TAFA5: variants seen among roughly 807,000 people sequenced by gnomAD.
TAFA5 encodes chemokine-like protein TAFA-5.
TAFA5 carries 6 observed loss-of-function variants against 15.3 expected under a neutral mutation model. The observed-to-expected ratio is 0.39, with a 90% CI of 0.21 to 0.77. The LOEUF is 0.77. Ranked by LOEUF, TAFA5 falls within the 30% of genes least tolerant of loss-of-function variation. The pLI is 0.41. For missense variants in TAFA5, 161 were observed against 193.1 expected (o/e 0.83, Z 0.98); for synonymous variants, 103 against 80.7 (o/e 1.28, Z -1.48).
At chr22:48,744,108 C>T (rs1393892717) in intron 3 of TAFA5, among the ~76,000 whole-genome samples, 1 of 152,226 alleles carries the variant, frequency 6.6e-6, no homozygotes, top group Non-Finnish European at 1.5e-5. Context: ...TGCAGCCCCA[C>T]GGCACGGGGG....
chr22:48,749,503 CAGATGGTTCT>C (rs898173956), intron 3 of TAFA5, among the ~76,000 whole-genome samples: 10 of 152,268 alleles, frequency 6.6e-5, no homozygotes, highest in African/African-American at 2.2e-4. Flanking sequence ...TAGGGAGCCA[CAGATGGTTCT>C]TGAGCTGTGG....
chr22:48,507,039 G>A (rs1199009381), intron 1 of TAFA5, among the ~76,000 whole-genome samples: 1 of 151,354 alleles, frequency 6.6e-6, no homozygotes, highest in Non-Finnish European at 1.5e-5. Context: ...GGGGACAGCC[G>A]CCAAGAGCCA....
chr22:48,653,617 C>G (rs1247267814), intron 2 of TAFA5, among the ~76,000 whole-genome samples: 1 of 152,276 alleles, frequency 6.6e-6, no homozygotes, highest in Middle Eastern at 3.4e-3. Flanking sequence ...CAGTCCTTCT[C>G]CAGCAAGTTA....
chr22:48,556,586 C>T (rs979303163), intron 1 of TAFA5, among the ~76,000 whole-genome samples: 1 of 152,220 alleles, frequency 6.6e-6, no homozygotes, highest in Non-Finnish European at 1.5e-5. Flanking sequence ...CCCGAAGAGG[C>T]GCTGGGGCAG....
intron 2 of TAFA5, among the ~76,000 whole-genome samples, chr22:48,704,970 G>GGA (rs896717152): frequency 1.1e-4 from 16 of 151,680 alleles, no homozygotes; most frequent in Non-Finnish European, 1.8e-4. Context: ...GCTGGGGAGG[G>GGA]GAGAGAGAGA....
chr22:48,708,364 T>C (rs1373440635), intron 3 of TAFA5, among the ~76,000 whole-genome samples: 1 of 152,210 alleles, frequency 6.6e-6, no homozygotes, highest in African/African-American at 2.4e-5. Context: ...AGCTCCTCTC[T>C]GTCCCCCTGA....
At chr22:48,559,214 C>T (rs572872208) in intron 1 of TAFA5, among the ~76,000 whole-genome samples, 21 of 152,152 alleles carry the variant, frequency 1.4e-4, no homozygotes, top group Non-Finnish European at 2.4e-4. Flanking sequence ...CTGACACCAG[C>T]GGTGGACGCT....
At chr22:48,658,791 A>G (rs559188483) in intron 2 of TAFA5, among the ~76,000 whole-genome samples, 1 of 152,308 alleles carries the variant, frequency 6.6e-6, no homozygotes, top group South Asian at 2.1e-4. Flanking sequence ...GTAGAGAGAG[A>G]AAGGACCAGG....
intron 1 of TAFA5, among the ~76,000 whole-genome samples, chr22:48,557,354 C>T (rs1015701605): frequency 6.6e-6 from 1 of 152,172 alleles, no homozygotes; most frequent in Non-Finnish European, 1.5e-5. Flanking sequence ...ACGGCGTCCA[C>T]AGGCTGAGGA....
chr22:48,701,717 C>T (rs1465272400), intron 2 of TAFA5, among the ~76,000 whole-genome samples: 1 of 152,212 alleles, frequency 6.6e-6, no homozygotes, highest in African/African-American at 2.4e-5. Context: ...TCAGCCCTTT[C>T]TTCCCCATGC....
chr22:48,701,119 G>A lies in TAFA5; in HGVS notation c.263-6598G>A, dbSNP rs541503567. ...GTGTATTTGTCCCACTTCAGTGGGT[G>A]CCCGAGGCGGCACACAGCTCGAGTG... On this transcript the variant is annotated intron_variant, in intron 2 of 3. Transcript: ENST00000402357. Among the ~76,000 whole-genome samples, 119 of 152,316 alleles carry A rather than the reference G, an allele frequency of 7.8e-4. 1 individual carries two copies. The highest frequency in any genetic ancestry group is 1.2e-3 in the Non-Finnish European group (82 of 68,028).
intron 1 of TAFA5, among the ~76,000 whole-genome samples, chr22:48,630,409 A>T (rs910732562): frequency 3.3e-5 from 5 of 152,176 alleles, no homozygotes; most frequent in Non-Finnish European, 7.4e-5. Flanking sequence ...GGCTTGCTCC[A>T]CTGCTGCCTC....
At chr22:48,539,934 A>C (rs1208825396) in intron 1 of TAFA5, among the ~76,000 whole-genome samples, 1 of 152,080 alleles carries the variant, frequency 6.6e-6, no homozygotes, top group Non-Finnish European at 1.5e-5. Flanking sequence ...GGGCCTTGCC[A>C]GGGAGAGGAG....
intron 1 of TAFA5, among the ~76,000 whole-genome samples, chr22:48,606,936 G>A (rs564990210): frequency 1.1e-4 from 16 of 144,180 alleles, no homozygotes; most frequent in Non-Finnish European, 1.9e-4. Flanking sequence ...TCCAGGTTTC[G>A]CTTCCACTCT....
At chr22:48,499,878 G>A (rs1920943199) in intron 1 of TAFA5, among the ~76,000 whole-genome samples, 1 of 152,152 alleles carries the variant, frequency 6.6e-6, no homozygotes, top group Non-Finnish European at 1.5e-5. Flanking sequence ...TGGTGCAAAT[G>A]TGCGTTCCGG....
At position 48,621,364 on chromosome 22, in the gene TAFA5, C is replaced by T. The variant is rs114298660; in HGVS notation, c.113-25233C>T. Among the ~76,000 whole-genome samples, 676 of 151,800 alleles carry T rather than the reference C, an allele frequency of 4.5e-3. 9 individuals are homozygous for T. The highest frequency in any genetic ancestry group is 0.016 in the African/African-American group (647 of 41,388). ...CTGCTTCCATCATTTCATCCACACA[C>T]CCACCCATCCATTCATCCATTCTTG... On this transcript the variant is annotated intron_variant, in intron 1 of 3. Coordinates refer to ENST00000402357, the MANE Select transcript of TAFA5 (RefSeq NM_001082967.3).
chr22:48,659,421 C>G (rs1927355968), intron 2 of TAFA5, among the ~76,000 whole-genome samples: 1 of 152,224 alleles, frequency 6.6e-6, no homozygotes, highest in African/African-American at 2.4e-5. Context: ...TGGTCACATT[C>G]TCCTCAGGGG....
chr22:48,588,633 G>C (rs1334828966), intron 1 of TAFA5, among the ~76,000 whole-genome samples: 2 of 152,198 alleles, frequency 1.3e-5, no homozygotes, highest in Non-Finnish European at 2.9e-5. Flanking sequence ...GTCTCTTGCT[G>C]TGACAACGGG....
chr22:48,589,146 G>A (rs1924467839), intron 1 of TAFA5, among the ~76,000 whole-genome samples: 1 of 152,062 alleles, frequency 6.6e-6, no homozygotes, highest in African/African-American at 2.4e-5. Context: ...CCCGCTGGTT[G>A]CCTTGGGGAC....
Sources: allele counts gnomAD v4.1 joint callset (sites outside exome capture counted in the v4.1 genomes callset), GRCh38; gene constraint gnomAD v4.1.1; transcripts MANE v1.5; gene names NCBI Gene and HGNC (gene_info 2026-07-23, HGNC 2026-07-21).